AGO2: variants seen among roughly 807,000 people sequenced by gnomAD.
AGO2 encodes protein argonaute-2.
AGO2 carries 5 observed loss-of-function variants against 102.3 expected under a neutral mutation model. The observed-to-expected ratio is 0.05, with a 90% CI of 0.03 to 0.10. The LOEUF is 0.10. Among genes scored for constraint, AGO2 ranks in the 10% least tolerant of loss-of-function variants. The probability of loss-of-function intolerance (pLI) is 1.00; values close to 1 mark genes in which losing one functional copy is unlikely to be tolerated. For synonymous variants in AGO2, 449 were observed against 473.1 expected (o/e 0.95, Z 0.66); for missense variants, 541 against 1,183.7 (o/e 0.46, Z 7.97).
At chr8:140,553,855 T>C (rs2073048792) in intron 10 of AGO2, among the ~76,000 whole-genome samples, 1 of 152,018 alleles carries the variant, frequency 6.6e-6, no homozygotes, top group Admixed American at 6.6e-5. Flanking sequence ...CATGCCACCA[T>C]GCCCAGCTAA....
chr8:140,613,457 C>G (rs781124018), intron 1 of AGO2, among the ~76,000 whole-genome samples: 1 of 152,146 alleles, frequency 6.6e-6, no homozygotes, highest in African/African-American at 2.4e-5. Flanking sequence ...TGTAATACAA[C>G]AGATATAACC....
Position 140,523,540 on chromosome 8 carries a change from AT to A in AGO2, c.*8503del. 1 of 149,022 alleles carries A rather than the reference AT, an allele frequency of 6.7e-6. No homozygotes were observed. Among genetic ancestry groups the A allele is most frequent in the Middle Eastern group, 3.4e-3 (1 of 294 alleles). The allele number at this position is 149,022 out of a possible 1,614,324, so 9.2% of individuals were successfully genotyped here. On this transcript the variant is annotated 3_prime_UTR_variant, in exon 19 of 19. Transcript: ENST00000220592. ...ATTCTTTTCCTGTATTTAATGAGTA[AT>A]TAGCCACTTTGCTGCACAGAAACTT...
In AGO2 at chr8:140,530,991, G is replaced by A. The variant is rs574737612; in HGVS notation, c.*1053C>T. 2.9e-4 allele frequency: 44 copies of A among 152,380 alleles called. No homozygotes were observed. The highest frequency in any genetic ancestry group is 1.0e-3 in the African/African-American group (42 of 41,560). 9.4% of individuals were successfully genotyped at this position (152,380 alleles called of 1,614,324 possible). ...TGGGTACACGCTGCACAGTCTCCAC[G>A]GGGGAAGCGGGTTGCTGTCACATTA... is the stretch of plus-strand genomic sequence containing the variant. On this transcript the variant is annotated 3_prime_UTR_variant, in exon 19 of 19. Transcript: ENST00000220592.
At chr8:140,635,236 C>G (rs898548548) in intron 1 of AGO2, among the ~76,000 whole-genome samples, 5 of 146,118 alleles carry the variant, frequency 3.4e-5, no homozygotes, top group Admixed American at 6.8e-5. Flanking sequence ...CGGGGCGCCC[C>G]GACGACTCGC....
chr8:140,616,021 A>G (rs2074138795), intron 1 of AGO2, among the ~76,000 whole-genome samples: 1 of 152,190 alleles, frequency 6.6e-6, no homozygotes, highest in African/African-American at 2.4e-5. Context: ...AGCGAGCCCT[A>G]AGCCAACAGG....
At chr8:140,570,629 G>A (rs537975359) in intron 3 of AGO2, among the ~76,000 whole-genome samples, 150 of 152,232 alleles carry the variant, frequency 9.9e-4, no homozygotes, top group African/African-American at 3.1e-3. Flanking sequence ...ACCCAGGACC[G>A]TGGGGCACAG....
In AGO2 at chr8:140,557,191, C is replaced by T; in HGVS notation, c.924G>A (p.Val308=). ...QESGQTVECT[V]AQYFKDRHKL... Reference sequence around the variant, plus strand: ...TGTGCCTGTCCTTGAAATACTGGGCCACCGTGCACTCCACCGTCTGCCCGC... The same window carrying T: ...TGTGCCTGTCCTTGAAATACTGGGCTACCGTGCACTCCACCGTCTGCCCGC... The change falls in exon 8 of 19, where the codon GTG becomes GTA. Residue 308 remains valine (V), a synonymous_variant. Transcript: ENST00000220592. This position sits in a 1 kb window ranked among gnomAD's most constrained non-coding sequence, Gnocchi z 5.9. 6.2e-7 allele frequency: 1 copy of T among 1,614,054 alleles called. No individual in the cohort carries two copies. Among genetic ancestry groups the T allele is most frequent in the Non-Finnish European group, 8.5e-7 (1 of 1,179,972 alleles).
intron 1 of AGO2, among the ~76,000 whole-genome samples, chr8:140,629,058 T>C (rs2074309217): frequency 6.6e-6 from 1 of 152,000 alleles, no homozygotes; most frequent in Non-Finnish European, 1.5e-5. Context: ...GCCACTGCCC[T>C]CCAGACTGGG....
At chr8:140,601,349 C>T (rs1399570287) in intron 1 of AGO2, among the ~76,000 whole-genome samples, 1 of 152,196 alleles carries the variant, frequency 6.6e-6, no homozygotes, top group Non-Finnish European at 1.5e-5. Flanking sequence ...TGCATGCCCC[C>T]AGCAGCCCCA....
At chr8:140,574,566 G>T (rs185986824) in intron 2 of AGO2, among the ~76,000 whole-genome samples, 1 of 152,244 alleles carries the variant, frequency 6.6e-6, no homozygotes, top group African/African-American at 2.4e-5. Flanking sequence ...GCCCAGCTCA[G>T]GGGGGTTCTG....
At chr8:140,634,616 A>G (rs1339917950) in intron 1 of AGO2, among the ~76,000 whole-genome samples, 1 of 152,266 alleles carries the variant, frequency 6.6e-6, no homozygotes, top group Admixed American at 6.5e-5. Flanking sequence ...ACAACGCGTT[A>G]CCGCTTTAAG....
At chr8:140,596,139 C>A (rs2073840523) in intron 1 of AGO2, among the ~76,000 whole-genome samples, 2 of 150,600 alleles carry the variant, frequency 1.3e-5, no homozygotes, top group African/African-American at 4.9e-5. Flanking sequence ...TGAGCCACTG[C>A]ACATGGCCTG....
intron 2 of AGO2, among the ~76,000 whole-genome samples, chr8:140,582,078 C>A (rs1441613887): frequency 6.6e-6 from 1 of 152,086 alleles, no homozygotes; most frequent in Non-Finnish European, 1.5e-5. Flanking sequence ...GGCTTTCTAG[C>A]AGAAATTGAT....
At chr8:140,579,429 T>C (rs2073517504) in intron 2 of AGO2, among the ~76,000 whole-genome samples, 1 of 152,170 alleles carries the variant, frequency 6.6e-6, no homozygotes, top group Non-Finnish European at 1.5e-5. Flanking sequence ...TCTGTGTCTT[T>C]GGGATCTTTC....
rs2072400062 is a variant in AGO2 at position 140,520,583 on chromosome 8, A to G, written c.*11461T>C. On this transcript the variant is annotated 3_prime_UTR_variant, in exon 19 of 19. Coordinates refer to ENST00000220592, the MANE Select transcript of AGO2 (RefSeq NM_012154.5). Reference sequence around the variant, plus strand: ...GTTTCGGGTGAGTGCTGAGGAATAGAGAAATGTGAAGACGGGCTCTCTGGA... The same window carrying G: ...GTTTCGGGTGAGTGCTGAGGAATAGGGAAATGTGAAGACGGGCTCTCTGGA... 2 of 152,170 alleles carry G rather than the reference A, an allele frequency of 1.3e-5. 1 individual carries two copies. The highest frequency in any genetic ancestry group is 4.1e-4 in the South Asian group (2 of 4,822). 9.4% of individuals were successfully genotyped at this position (152,170 alleles called of 1,614,324 possible). A position where few individuals can be genotyped will look rare whatever the true frequency, so the allele number is the denominator to read the frequency against.
At chr8:140,613,708 T>C (rs1455363047) in intron 1 of AGO2, among the ~76,000 whole-genome samples, 1 of 152,050 alleles carries the variant, frequency 6.6e-6, no homozygotes, top group African/African-American at 2.4e-5. Flanking sequence ...TCGGGTCTGG[T>C]TTCTATCACA....
At chr8:140,538,467 T>G (rs1226505102) in intron 16 of AGO2, among the ~76,000 whole-genome samples, 2 of 152,202 alleles carry the variant, frequency 1.3e-5, no homozygotes. Context: ...GGAAAACACT[T>G]TTAACCTGGG....
chr8:140,604,105 G>A (rs76216262), intron 1 of AGO2, among the ~76,000 whole-genome samples: 23,763 of 152,238 alleles, frequency 0.16, 2,464 homozygotes, highest in Admixed American at 0.3. Flanking sequence ...CAGCAGCCCC[G>A]GAGGCTCAGA....
intron 1 of AGO2, among the ~76,000 whole-genome samples, chr8:140,597,934 A>G (rs7812673): frequency 0.79 from 120,840 of 152,228 alleles, 48,228 homozygotes; most frequent in Admixed American, 0.84. Flanking sequence ...GACCCTGCCC[A>G]CCAGGGGCCT....
Sources: allele counts gnomAD v4.1 joint callset (sites outside exome capture counted in the v4.1 genomes callset), GRCh38; gene constraint gnomAD v4.1.1; non-coding constraint Gnocchi (gnomAD v3.1); transcripts MANE v1.5; gene names NCBI Gene and HGNC (gene_info 2026-07-23, HGNC 2026-07-21).